Variants in ANO4 observed in about 807,000 individuals in gnomAD.
ANO4 encodes anoctamin-4.
In ANO4, 69 loss-of-function variants were observed where a neutral mutation model predicts 141.9. The observed-to-expected ratio is 0.49, with a 90% CI of 0.40 to 0.59. The LOEUF (loss-of-function observed/expected upper bound fraction) is 0.59, where lower values mean the gene tolerates loss of function less well. Ranked by LOEUF, ANO4 falls within the 20% of genes least tolerant of loss-of-function variation. The probability of loss-of-function intolerance (pLI) is 0.00; values close to 1 mark genes in which losing one functional copy is unlikely to be tolerated. For synonymous variants in ANO4, 350 were observed against 394.3 expected, an observed-to-expected ratio of 0.89 and a Z score of 1.33; for missense variants, 894 against 1,162.2, an observed-to-expected ratio of 0.77 and a Z score of 3.36.
chr12:100,740,119 T>A (rs1565847642), intron 3 of ANO4: 6 of 701,554 alleles, frequency 8.6e-6, no homozygotes, highest in Admixed American at 2.0e-5. Context: ...AGTGTTGGCT[T>A]CCTGTTGGAG....
rs113668350 is a variant in ANO4, at chr12:101,066,603, G to C, written c.1313-12590G>C. 6.4e-4 allele frequency: 327 copies of C among 507,296 alleles called. 2 individuals are homozygous for C. The highest frequency in any genetic ancestry group is 5.1e-3 in the African/African-American group (264 of 51,738). 31.4% of individuals were successfully genotyped at this position (507,296 alleles called of 1,614,324 possible). On this transcript the variant is annotated intron_variant, in intron 14 of 27. Transcript: ENST00000392977. ...TAGAACACTGACGAAAGAAATGGAA[G>C]AGGCTTTTTCTAGAGATGCCCTGCT...
At chr12:100,748,573 G>A (rs999866353) in intron 3 of ANO4, among the ~76,000 whole-genome samples, 20 of 152,178 alleles carry the variant, frequency 1.3e-4, no homozygotes, top group Admixed American at 2.6e-4. Context: ...TTTAAAGTGG[G>A]TTTCTTCTAG....
At chr12:101,103,763 G>T (rs916977750) in intron 22 of ANO4, among the ~76,000 whole-genome samples, 8 of 151,722 alleles carry the variant, frequency 5.3e-5, no homozygotes, top group Non-Finnish European at 1.2e-4. Flanking sequence ...AAATGATTGG[G>T]TAATTATTTT....
intron 14 of ANO4, chr12:101,067,065 A>G (rs906761264): frequency 6.7e-6 from 3 of 447,234 alleles, no homozygotes; most frequent in African/African-American, 4.0e-5. Flanking sequence ...TAGAAAATCA[A>G]ATAAGCTAGT....
intron 17 of ANO4, among the ~76,000 whole-genome samples, chr12:101,093,257 A>G (rs1273827606): frequency 6.6e-6 from 1 of 152,190 alleles, no homozygotes; most frequent in Non-Finnish European, 1.5e-5. Context: ...ATTAGCAGAA[A>G]TCTCAGATAA....
chr12:100,742,014 T>G (rs1231783036), intron 3 of ANO4, among the ~76,000 whole-genome samples: 2 of 152,162 alleles, frequency 1.3e-5, no homozygotes, highest in Non-Finnish European at 1.5e-5. Context: ...TAAAGGTTTC[T>G]GTGTTTAACT....
chr12:101,011,317 T>TC lies in ANO4; in HGVS notation c.735-8716dup, dbSNP rs397708252. On this transcript the variant is annotated intron_variant, in intron 8 of 27. Coordinates refer to ENST00000392977, the MANE Select transcript of ANO4 (RefSeq NM_001286615.2). ...ACATAGGAGGAATCATGGCCTTTTT[T>TC]CTTTTTTTTTTTTTTTTTGCAATCT... Among the ~76,000 whole-genome samples, 3 of 88,116 alleles carry TC rather than the reference T, an allele frequency of 3.4e-5. No individual in the cohort carries two copies. In the East Asian group the frequency reaches 1.3e-3, roughly 39 times the overall value. 57.8% of individuals were successfully genotyped at this position (88,116 alleles called of 152,430 possible). A position where few individuals can be genotyped will look rare whatever the true frequency, so the allele number is the denominator to read the frequency against.
At chr12:100,767,517 A>G (rs747922527) in intron 3 of ANO4, among the ~76,000 whole-genome samples, 11 of 152,214 alleles carry the variant, frequency 7.2e-5, no homozygotes, top group Non-Finnish European at 1.5e-4. Flanking sequence ...CTGTGATACC[A>G]TGATGGTTAA....
At chr12:100,895,526 A>G (rs2040305586) in intron 1 of ANO4, among the ~76,000 whole-genome samples, 1 of 151,828 alleles carries the variant, frequency 6.6e-6, no homozygotes, top group African/African-American at 2.4e-5. Context: ...GGAGTAAAGA[A>G]AATATTTGAG....
At chr12:100,894,974 A>AAG (rs1328245644) in intron 1 of ANO4, among the ~76,000 whole-genome samples, 1 of 151,094 alleles carries the variant, frequency 6.6e-6, no homozygotes, top group East Asian at 1.9e-4. Context: ...TCAAAAAAAA[A>AAG]AAAAAAAGAA....
At chr12:100,993,284 G>A (rs1282659229) in intron 8 of ANO4, among the ~76,000 whole-genome samples, 1 of 152,178 alleles carries the variant, frequency 6.6e-6, no homozygotes, top group Non-Finnish European at 1.5e-5. Context: ...GGGTGTACAA[G>A]TCAACATACA....
chr12:100,887,458 G>A (rs1341821366), intron 1 of ANO4, among the ~76,000 whole-genome samples: 4 of 151,766 alleles, frequency 2.6e-5, no homozygotes, highest in Non-Finnish European at 4.4e-5. Flanking sequence ...ATTTGTTTTA[G>A]GAAAACCAGA....
chr12:101,086,861 A>C (rs756951801), intron 17 of ANO4, 37 bp downstream of exon 17: 21 of 1,601,702 alleles, frequency 1.3e-5, no homozygotes, highest in Non-Finnish European at 1.6e-5. Context: ...ACGGATCAAA[A>C]TGTGTGGGCT....
intron 2 of ANO4, among the ~76,000 whole-genome samples, chr12:100,921,601 T>C (rs1304452643): frequency 1.3e-5 from 2 of 152,152 alleles, no homozygotes; most frequent in African/African-American, 4.8e-5. Context: ...AAATGTTCTA[T>C]AGGTGTATGG....
At chr12:101,112,829 CT>C (rs1345822139) in intron 24 of ANO4, among the ~76,000 whole-genome samples, 3 of 152,196 alleles carry the variant, frequency 2.0e-5, no homozygotes, top group Non-Finnish European at 4.4e-5. Context: ...AAGTTCTTGA[CT>C]ACTATAAGCA....
At chr12:100,723,074 A>T (rs2030939098) in intron 1 of ANO4, among the ~76,000 whole-genome samples, 1 of 152,150 alleles carries the variant, frequency 6.6e-6, no homozygotes, top group South Asian at 2.1e-4. Context: ...TTTGATTAAG[A>T]AGCTGCAGCA....
chr12:101,098,726 T>C (rs1213300483), intron 21 of ANO4, among the ~76,000 whole-genome samples: 1 of 152,242 alleles, frequency 6.6e-6, no homozygotes, highest in East Asian at 1.9e-4. Context: ...TGTATTCTAC[T>C]TTAAGATATA....
Position 101,022,346 on chromosome 12 carries a change from A to G in ANO4, c.841+2206A>G, listed in dbSNP as rs573885172. The stretch of plus-strand genomic sequence containing the variant: ...GAATTCTTCTCTCTTCTGAATTCCT[A>G]TGGCAACTATTTTTGGAGTCTATTT... On this transcript the variant is annotated intron_variant, in intron 9 of 27. Transcript: ENST00000392977. 2.6e-5 allele frequency among the ~76,000 whole-genome samples: 4 copies of G among 152,274 alleles called. No homozygotes were observed. In the South Asian group the frequency reaches 6.2e-4, roughly 24 times the overall value.
At chr12:100,924,854 G>A (rs1017384010) in intron 3 of ANO4, among the ~76,000 whole-genome samples, 8 of 152,158 alleles carry the variant, frequency 5.3e-5, no homozygotes, top group African/African-American at 1.9e-4. Flanking sequence ...CTAAAGGTTA[G>A]TAAGGTACTA....
Sources: allele counts gnomAD v4.1 joint callset (sites outside exome capture counted in the v4.1 genomes callset), GRCh38; gene constraint gnomAD v4.1.1; transcripts MANE v1.5; gene names NCBI Gene and HGNC (gene_info 2026-07-23, HGNC 2026-07-21).